Variants in CCSER1 observed in about 807,000 individuals in gnomAD.
CCSER1 encodes serine-rich coiled-coil domain-containing protein 1.
CCSER1 carries 41 observed loss-of-function variants against 82.0 expected under a neutral mutation model. That is an observed-to-expected ratio of 0.50 (90% CI 0.39 to 0.65). The LOEUF is 0.65. Among genes scored for constraint, CCSER1 ranks in the 30% least tolerant of loss-of-function variants. The pLI is 0.00. For synonymous variants in CCSER1, 414 were observed against 383.9 expected, an observed-to-expected ratio of 1.08 and a Z score of -0.92; for missense variants, 1,119 against 1,064.2, an observed-to-expected ratio of 1.05 and a Z score of -0.72.
At chr4:90,719,823 T>C (rs1228911499) in intron 6 of CCSER1, among the ~76,000 whole-genome samples, 1 of 152,180 alleles carries the variant, frequency 6.6e-6, no homozygotes, top group Non-Finnish European at 1.5e-5. Flanking sequence ...TTTCCTTTTT[T>C]CATACATTAC....
intron 10 of CCSER1, among the ~76,000 whole-genome samples, chr4:91,287,920 A>G (rs1238270748): frequency 6.6e-6 from 1 of 151,770 alleles, no homozygotes; most frequent in Non-Finnish European, 1.5e-5. Flanking sequence ...TAATGATTTT[A>G]CATGTAATTG....
In CCSER1 at chr4:91,386,943, A is replaced by C. The variant is rs191959754; in HGVS notation, c.2218-211629A>C. Among the ~76,000 whole-genome samples the C allele has an allele frequency of 5.5e-3, 830 of 152,142 alleles. 11 individuals are homozygous for C. Among genetic ancestry groups the C allele is most frequent in the Admixed American group, 9.3e-3 (142 of 15,256 alleles). On this transcript the variant is annotated intron_variant, in intron 10 of 10. Transcript: ENST00000509176. ...AAAAGAATGGATGAGGAAATGTTCC[A>C]GATTTATGGGGACTAAAAAGACATG...
intron 10 of CCSER1, among the ~76,000 whole-genome samples, chr4:91,111,617 T>C (rs1726100122): frequency 6.6e-6 from 1 of 151,816 alleles, no homozygotes; most frequent in African/African-American, 2.4e-5. Context: ...ATAAAGATTG[T>C]ATATATTTTA....
intron 9 of CCSER1, among the ~76,000 whole-genome samples, chr4:91,022,965 A>G (rs34802075): frequency 0.071 from 10,816 of 151,994 alleles, 550 homozygotes; most frequent in East Asian, 0.19. Flanking sequence ...TAGGTTGCCT[A>G]TTCACTCTGA....
At chr4:91,219,521 T>G (rs1737566568) in intron 10 of CCSER1, among the ~76,000 whole-genome samples, 1 of 152,070 alleles carries the variant, frequency 6.6e-6, no homozygotes, top group African/African-American at 2.4e-5. Context: ...CAGGCTGGTC[T>G]CGAACTCCTG....
At chr4:90,519,775 AT>A (rs1216901586) in intron 5 of CCSER1, among the ~76,000 whole-genome samples, 1 of 152,056 alleles carries the variant, frequency 6.6e-6, no homozygotes, top group Admixed American at 6.6e-5. Flanking sequence ...TCTTGGACTA[AT>A]ACTTTGGAAG....
At chr4:90,520,452 T>A (rs1378204365) in intron 5 of CCSER1, among the ~76,000 whole-genome samples, 1 of 152,142 alleles carries the variant, frequency 6.6e-6, no homozygotes, top group Non-Finnish European at 1.5e-5. Context: ...GTTGACTGAT[T>A]CTTTGTTGCT....
chr4:90,292,862 C>T (rs946382240), intron 1 of CCSER1, among the ~76,000 whole-genome samples: 1 of 151,898 alleles, frequency 6.6e-6, no homozygotes, highest in Non-Finnish European at 1.5e-5. Context: ...ACTGACTCTA[C>T]ACACACAGAC....
chr4:90,284,194 T>C (rs939443966), intron 1 of CCSER1, among the ~76,000 whole-genome samples: 1 of 152,076 alleles, frequency 6.6e-6, no homozygotes, highest in Non-Finnish European at 1.5e-5. Context: ...TATTGATTTA[T>C]TTGAGTTCCT....
At position 90,908,982 on chromosome 4, in the gene CCSER1, T is replaced by A. The variant is rs192277478; in HGVS notation, c.2095-14388T>A. On this transcript the variant is annotated intron_variant, in intron 8 of 10. Transcript: ENST00000509176. ...AATTTATTTTCTCAGAAGTCTTTCT[T>A]GAGACCATAAATCTGAAATCAAGAT... Among the ~76,000 whole-genome samples the A allele has an allele frequency of 8.5e-4, 129 of 152,328 alleles. No homozygotes were observed. In the Middle Eastern group the frequency reaches 0.017, roughly 20 times the overall value.
chr4:91,206,791 G>A (rs918222929), intron 10 of CCSER1, among the ~76,000 whole-genome samples: 1 of 151,788 alleles, frequency 6.6e-6, no homozygotes, highest in African/African-American at 2.4e-5. Flanking sequence ...CAAGAGATAC[G>A]AGAAGTACCT....
chr4:91,214,665 T>TA (rs34506064), intron 10 of CCSER1, among the ~76,000 whole-genome samples: 1 of 152,136 alleles, frequency 6.6e-6, no homozygotes, highest in Non-Finnish European at 1.5e-5. Context: ...TCTGAATGAG[T>TA]AAAAAAGTCA....
chr4:90,983,899 C>A lies in CCSER1; in HGVS notation c.2172+60452C>A, dbSNP rs937814158. Among the ~76,000 whole-genome samples the A allele has an allele frequency of 2.6e-5, 4 of 151,798 alleles. No individual in the cohort carries two copies. The East Asian group carries it at 7.8e-4, about 30-fold the overall frequency. On this transcript the variant is annotated intron_variant, in intron 9 of 10. Transcript: ENST00000509176. Reference sequence around the variant, plus strand: ...GGCACATAATCACACACTGTTTATACGATTCTCTAAATGCTTGTCTCCTTG... The same window carrying A: ...GGCACATAATCACACACTGTTTATAAGATTCTCTAAATGCTTGTCTCCTTG...
chr4:91,478,813 G>A (rs1757731625), intron 10 of CCSER1, among the ~76,000 whole-genome samples: 1 of 151,762 alleles, frequency 6.6e-6, no homozygotes, highest in East Asian at 1.9e-4. Context: ...AAGACATTGC[G>A]TTTAATATAG....
intron 3 of CCSER1, among the ~76,000 whole-genome samples, chr4:90,379,446 G>A (rs761550979): frequency 2.6e-5 from 4 of 152,116 alleles, no homozygotes; most frequent in Non-Finnish European, 5.9e-5. Context: ...TTTCCCTCGC[G>A]TCAGATAACA....
chr4:90,827,514 C>G (rs937435489), intron 8 of CCSER1, among the ~76,000 whole-genome samples: 3 of 152,160 alleles, frequency 2.0e-5, no homozygotes, highest in South Asian at 4.1e-4. Context: ...CACCTACAGC[C>G]ACTTCTTCCA....
At chr4:90,771,279 T>A (rs1248725409) in intron 7 of CCSER1, among the ~76,000 whole-genome samples, 1 of 152,034 alleles carries the variant, frequency 6.6e-6, no homozygotes, top group Admixed American at 6.6e-5. Context: ...GATACTTTGC[T>A]TATAAAATAT....
intron 10 of CCSER1, among the ~76,000 whole-genome samples, chr4:91,379,672 T>C (rs890895293): frequency 5.3e-5 from 8 of 152,240 alleles, no homozygotes; most frequent in South Asian, 2.1e-4. Flanking sequence ...TGGTCTATCA[T>C]TTTTGTTGAT....
In CCSER1 at chr4:91,551,995, G is replaced by A. The variant is rs144215196; in HGVS notation, c.2218-46577G>A. Among the ~76,000 whole-genome samples the A allele has an allele frequency of 3.0e-4, 45 of 151,798 alleles. No individual in the cohort carries two copies. The East Asian group carries it at 8.3e-3, about 28-fold the overall frequency. On this transcript the variant is annotated intron_variant, in intron 10 of 10. Coordinates refer to ENST00000509176, the MANE Select transcript of CCSER1 (RefSeq NM_001145065.2). ...TTGAATTTTGACAAATTTCAATGTA[G>A]TAGGAAATTCTGATATTGAAATCAA...
Sources: allele counts gnomAD v4.1 joint callset (sites outside exome capture counted in the v4.1 genomes callset), GRCh38; gene constraint gnomAD v4.1.1; transcripts MANE v1.5; gene names NCBI Gene and HGNC (gene_info 2026-07-23, HGNC 2026-07-21).